Variants in CSNK2A2 observed in about 807,000 individuals in gnomAD.
CSNK2A2 encodes casein kinase II subunit alpha'.
In CSNK2A2, 8 loss-of-function variants were observed where a neutral mutation model predicts 54.0. That is an observed-to-expected ratio of 0.15 (90% CI 0.09 to 0.27). The LOEUF is 0.27. Ranked by LOEUF, CSNK2A2 falls within the 10% of genes least tolerant of loss-of-function variation. The probability of loss-of-function intolerance (pLI) is 1.00; values close to 1 mark genes in which losing one functional copy is unlikely to be tolerated. For synonymous variants in CSNK2A2, 141 were observed against 153.9 expected, an observed-to-expected ratio of 0.92 and a Z score of 0.62; for missense variants, 242 against 439.4, an observed-to-expected ratio of 0.55 and a Z score of 4.02.
intron 4 of CSNK2A2, 127 bp downstream of exon 4, chr16:58,184,133 A>C: frequency 1.5e-6 from 1 of 678,090 alleles, no homozygotes; most frequent in South Asian, 2.4e-5. Flanking sequence ...GCCTTAAGGA[A>C]CCCAATTTGT....
chr16:58,168,315 C>G (rs966013598), intron 6 of CSNK2A2, among the ~76,000 whole-genome samples: 2 of 152,104 alleles, frequency 1.3e-5, no homozygotes, highest in Non-Finnish European at 2.9e-5. Flanking sequence ...GTCTGCGGGT[C>G]ATCAAGAAAT....
rs1567464300 is a variant in CSNK2A2, at chr16:58,167,795, G to A, written c.514C>T (p.Leu172=). ...NVMIDHQQKK[L]RLIDWGLAEF... ...GCCAGACCCCAATCTATCAGTCGCA[G>A]CTACAAATAGGACAGAAAAAAACAT... Residue 172 remains leucine (L), a splice_region_variant and synonymous_variant, in exon 7 of 12, where the codon CTG becomes TTG. Coordinates refer to ENST00000262506, the MANE Select transcript of CSNK2A2 (RefSeq NM_001896.4). 1 of 1,612,556 alleles carries A rather than the reference G, an allele frequency of 6.2e-7. No individual in the cohort carries two copies.
chr16:58,178,486 T>C (rs916392372), intron 4 of CSNK2A2, among the ~76,000 whole-genome samples: 9 of 152,140 alleles, frequency 5.9e-5, no homozygotes, highest in African/African-American at 2.2e-4. Context: ...TTTGCCATGT[T>C]GGTCAGGCTG....
chr16:58,182,402 A>AAAAAAG (rs1567470355), intron 4 of CSNK2A2, among the ~76,000 whole-genome samples: 1 of 136,312 alleles, frequency 7.3e-6, no homozygotes, highest in African/African-American at 2.6e-5. Flanking sequence ...AAAAAAAAAA[A>AAAAAAG]AAACTAGCCA....
At chr16:58,187,460 A>G (rs1962219722) in intron 2 of CSNK2A2, among the ~76,000 whole-genome samples, 1 of 152,226 alleles carries the variant, frequency 6.6e-6, no homozygotes. Context: ...TTGAATCAGG[A>G]AAGGAGAAAT....
chr16:58,179,454 T>C (rs1486322050), intron 4 of CSNK2A2, among the ~76,000 whole-genome samples: 1 of 149,910 alleles, frequency 6.7e-6, no homozygotes, highest in Non-Finnish European at 1.5e-5. Flanking sequence ...TGAGCCAAGA[T>C]CAGGTCACTG....
intron 5 of CSNK2A2, 37 bp from the exon 6 acceptor site, chr16:58,168,730 C>G (rs762261740): frequency 2.7e-6 from 4 of 1,489,066 alleles, no homozygotes; most frequent in Non-Finnish European, 3.7e-6. Flanking sequence ...AGTAAGCAAC[C>G]CCTCTACCAT....
rs397957932 is a variant in CSNK2A2 at position 58,183,377 on chromosome 16, C to CAA, written c.369+881_369+882dup. On this transcript the variant is annotated intron_variant, in intron 4 of 11. Transcript: ENST00000262506. ...GGGTGACAAAAGCGAAACTCGATCT[C>CAA]AAAAAAAAAAAAAAAGTGTGAGAAT... is the stretch of plus-strand genomic sequence containing the variant. Among the ~76,000 whole-genome samples, 468 of 124,332 alleles carry CAA rather than the reference C, an allele frequency of 3.8e-3. 12 individuals are homozygous for CAA. The East Asian group carries it at 0.083, about 22-fold the overall frequency. 81.6% of individuals were successfully genotyped at this position (124,332 alleles called of 152,430 possible).
At chr16:58,192,892 G>A (rs532911068) in intron 2 of CSNK2A2, 1 of 152,252 alleles carries the variant, frequency 6.6e-6, no homozygotes, top group Non-Finnish European at 1.5e-5. Context: ...TTTGTAAAAA[G>A]GGCCTGGGTT....
intron 10 of CSNK2A2, among the ~76,000 whole-genome samples, chr16:58,164,905 G>A (rs1192376029): frequency 2.0e-5 from 3 of 152,198 alleles, no homozygotes; most frequent in East Asian, 1.9e-4. Flanking sequence ...AGGGGTGAAC[G>A]TTTCCCTCTT....
rs541826863 is a variant in CSNK2A2, at chr16:58,178,447, G to A, written c.370-3937C>T. On this transcript the variant is annotated intron_variant, in intron 4 of 11. Transcript: ENST00000262506. The stretch of plus-strand genomic sequence containing the variant: ...CTACAGGCGTGCACCATAGCCCGCC[G>A]AATTTTTTTGTATTTTTAGTGACGG... 2.6e-4 allele frequency among the ~76,000 whole-genome samples: 39 copies of A among 152,010 alleles called. No individual in the cohort carries two copies. The East Asian group carries it at 4.5e-3, about 17-fold the overall frequency.
At chr16:58,179,554 G>A (rs1961972924) in intron 4 of CSNK2A2, among the ~76,000 whole-genome samples, 1 of 151,480 alleles carries the variant, frequency 6.6e-6, no homozygotes, top group South Asian at 2.1e-4. Context: ...AAAAATAACT[G>A]CAAATGTGGC....
intron 2 of CSNK2A2, among the ~76,000 whole-genome samples, chr16:58,189,264 C>T (rs867403840): frequency 1.5e-4 from 23 of 152,270 alleles, no homozygotes; most frequent in Middle Eastern, 3.4e-3. Context: ...CCAAAGCTGG[C>T]TATCTTATAC....
intron 4 of CSNK2A2, among the ~76,000 whole-genome samples, chr16:58,177,137 A>G (rs1961902661): frequency 4.6e-5 from 7 of 152,244 alleles, no homozygotes; most frequent in Admixed American, 4.6e-4. Context: ...CAAGTGCTTC[A>G]TACACCAAAC....
intron 11 of CSNK2A2, 158 bp downstream of exon 11, chr16:58,163,896 G>A: frequency 1.8e-6 from 1 of 561,746 alleles, no homozygotes. Flanking sequence ...GACTAGCACT[G>A]GGGAGTTTCT....
In CSNK2A2 at chr16:58,197,742, G is replaced by T. The variant is rs1234069355; in HGVS notation, c.-6C>A. On this transcript the variant is annotated 5_prime_UTR_variant, in exon 1 of 12. Transcript: ENST00000262506. This position sits in a 1 kb window ranked among gnomAD's most constrained non-coding sequence, Gnocchi z 4.0. Reference sequence around the variant, plus strand: ...CCCGCGGCCGGGCCGGGCATGGCGGGCGGGACCGGGGGGCGGCGCGGGGCG... The same window carrying T: ...CCCGCGGCCGGGCCGGGCATGGCGGTCGGGACCGGGGGGCGGCGCGGGGCG... 5 of 1,337,218 alleles carry T rather than the reference G, an allele frequency of 3.7e-6. No individual in the cohort carries two copies. The South Asian group carries it at 6.4e-5, about 17-fold the overall frequency. 82.8% of individuals were successfully genotyped at this position (1,337,218 alleles called of 1,614,324 possible).
chr16:58,173,657 A>G (rs1405073794), intron 5 of CSNK2A2, among the ~76,000 whole-genome samples: 1 of 152,184 alleles, frequency 6.6e-6, no homozygotes, highest in Non-Finnish European at 1.5e-5. Flanking sequence ...CTACAGGGGT[A>G]GGTTAGGAAG....
At chr16:58,164,185 G>C (rs1961492974) in intron 10 of CSNK2A2, 38 bp from the exon 11 acceptor site, 2 of 1,599,200 alleles carry the variant, frequency 1.3e-6, no homozygotes, top group African/African-American at 2.7e-5. Context: ...CAATCAGGGT[G>C]GTGAGTGCTG....
In CSNK2A2 at chr16:58,166,567, C is replaced by T. The variant is rs775487337; in HGVS notation, c.827+17G>A. 52 of 1,553,302 alleles carry T rather than the reference C, an allele frequency of 3.3e-5. No homozygotes were observed. Among genetic ancestry groups the T allele is most frequent in the Middle Eastern group, 1.7e-4 (1 of 5,970 alleles). ...AACGGGGTAAGGTAAAGCACTCTCT[C>T]TCTCTCTCTTACTTACTGTCCCAGG... is the stretch of plus-strand genomic sequence containing the variant. On this transcript the variant is annotated intron_variant, in intron 9 of 11. Transcript: ENST00000262506.
Sources: gnomAD v4.1 joint callset for allele counts (sites outside exome capture counted in the v4.1 genomes callset) on GRCh38, gnomAD v4.1.1 for gene constraint, Gnocchi (gnomAD v3.1) non-coding constraint, MANE v1.5 for transcripts, NCBI Gene and HGNC (gene_info 2026-07-23, HGNC 2026-07-21) for gene names.